PPARGC1A: variants seen among roughly 807,000 people sequenced by gnomAD.
PPARGC1A encodes the protein peroxisome proliferator-activated receptor gamma coactivator 1-alpha.
Under a neutral mutation model 88.7 loss-of-function variants are expected in PPARGC1A, and 25 were observed. That is an observed-to-expected ratio of 0.28 (90% CI 0.21 to 0.39). The LOEUF (loss-of-function observed/expected upper bound fraction) is 0.39, where lower values mean the gene tolerates loss of function less well. Among genes scored for constraint, PPARGC1A ranks in the 10% least tolerant of loss-of-function variants. The pLI is 1.00. For synonymous variants in PPARGC1A, 363 were observed against 355.6 expected, an observed-to-expected ratio of 1.02 and a Z score of -0.24; for missense variants, 880 against 968.7, an observed-to-expected ratio of 0.91 and a Z score of 1.22.
the PPARGC1A span, among the ~76,000 whole-genome samples, chr4:24,133,969 G>T: frequency 6.6e-6 from 1 of 152,122 alleles, no homozygotes; most frequent in Admixed American, 6.6e-5. Flanking sequence ...AGTGGTTGAG[G>T]TTACACAGTC....
At chr4:24,222,283 A>T in the PPARGC1A span, among the ~76,000 whole-genome samples, 4 of 152,222 alleles carry the variant, frequency 2.6e-5, no homozygotes, top group African/African-American at 9.6e-5. Context: ...CGCTTGTGAG[A>T]GACAGTACCT....
the PPARGC1A span, among the ~76,000 whole-genome samples, chr4:24,161,077 C>G: frequency 6.6e-6 from 1 of 152,174 alleles, no homozygotes; most frequent in African/African-American, 2.4e-5. Context: ...CAGAGCTACC[C>G]TCAATGAAAT....
the PPARGC1A span, among the ~76,000 whole-genome samples, chr4:24,130,286 C>T: frequency 3.1e-4 from 47 of 152,080 alleles, no homozygotes; most frequent in African/African-American, 1.1e-3. Flanking sequence ...TCCATTTATA[C>T]CCCAGGAAAT....
At chr4:24,332,014 GTTTAT>G in the PPARGC1A span, among the ~76,000 whole-genome samples, 245 of 151,960 alleles carry the variant, frequency 1.6e-3, no homozygotes, top group Non-Finnish European at 3.1e-3. Context: ...TAAATTCTGT[GTTTAT>G]TTAGCCAGTT....
chr4:24,396,932 C>T, the PPARGC1A span, among the ~76,000 whole-genome samples: 8 of 152,132 alleles, frequency 5.3e-5, no homozygotes, highest in African/African-American at 1.9e-4. Flanking sequence ...AAATGGTACT[C>T]TCATGCATCC....
the PPARGC1A span, among the ~76,000 whole-genome samples, chr4:24,051,550 T>G: frequency 6.6e-6 from 1 of 152,172 alleles, no homozygotes; most frequent in Non-Finnish European, 1.5e-5. Flanking sequence ...TTAAAAAGAT[T>G]AAGGCACTAG....
chr4:23,974,561 G>T, the PPARGC1A span, among the ~76,000 whole-genome samples: 1 of 152,050 alleles, frequency 6.6e-6, no homozygotes, highest in Non-Finnish European at 1.5e-5. Context: ...CTTTGAAAAG[G>T]TTAGGAAATT....
rs1189627761 is a variant in PPARGC1A at position 23,859,795 on chromosome 4, TAAAATAAAATAAAATAAAATAAA to T, written c.234+24934_234+24956del. On this transcript the variant is annotated intron_variant, in intron 2 of 12. Transcript: ENST00000264867. ...GACACCGTCTCAAAATAAAATAAAA[TAAAATAAAATAAAATAAAATAAA>T]ATAAAATAAAATAAAATAAAATAAA... is the stretch of plus-strand genomic sequence containing the variant. Among the ~76,000 whole-genome samples, 15 of 7,018 alleles carry T rather than the reference TAAAATAAAATAAAATAAAATAAA, an allele frequency of 2.1e-3. No individual in the cohort carries two copies. In the East Asian group the frequency reaches 0.029, roughly 14 times the overall value. The allele number at this position is 7,018 out of a possible 152,430, so 4.6% of individuals were successfully genotyped here.
intron 2 of PPARGC1A, among the ~76,000 whole-genome samples, chr4:23,844,981 G>C (rs1168521239): frequency 6.7e-6 from 1 of 150,286 alleles, no homozygotes; most frequent in Non-Finnish European, 1.5e-5. Context: ...AAAAGAGTAA[G>C]AGTAAGGGCC....
At chr4:24,253,874 A>G in the PPARGC1A span, among the ~76,000 whole-genome samples, 1 of 152,182 alleles carries the variant, frequency 6.6e-6, no homozygotes, top group African/African-American at 2.4e-5. Context: ...TTATTCTCCA[A>G]GCATGTATGG....
chr4:24,308,811 C>T, the PPARGC1A span, among the ~76,000 whole-genome samples: 1 of 152,092 alleles, frequency 6.6e-6, no homozygotes, highest in Non-Finnish European at 1.5e-5. Context: ...CCTTGTGTCA[C>T]AGATAAAAAC....
chr4:23,907,102 A>G (rs1435385604), upstream of PPARGC1A, among the ~76,000 whole-genome samples: 1 of 152,132 alleles, frequency 6.6e-6, no homozygotes, highest in Admixed American at 6.5e-5. Flanking sequence ...CTCTCCTGAT[A>G]TCTTTACACT....
At chr4:23,901,132 C>T (rs2148880538), upstream of PPARGC1A, among the ~76,000 whole-genome samples, 1 of 152,164 alleles carries the variant, frequency 6.6e-6, no homozygotes, top group Admixed American at 6.5e-5. Flanking sequence ...CTTTGGGAGG[C>T]CAAGGTGGGT....
the PPARGC1A span, among the ~76,000 whole-genome samples, chr4:24,370,965 G>A: frequency 1.1e-4 from 17 of 151,822 alleles, 1 homozygote; most frequent in South Asian, 3.3e-3. Context: ...GGTGTGTGAT[G>A]TTCCCCTCTG....
At chr4:24,129,046 GC>G in the PPARGC1A span, among the ~76,000 whole-genome samples, 339 of 152,272 alleles carry the variant, frequency 2.2e-3, 1 homozygote, top group African/African-American at 7.7e-3. Flanking sequence ...TGTAAGCAGA[GC>G]AAAAAATTAA....
chr4:24,284,126 T>C, the PPARGC1A span, among the ~76,000 whole-genome samples: 1 of 62,022 alleles, frequency 1.6e-5, no homozygotes, highest in Non-Finnish European at 3.3e-5. Context: ...CTACTAAAAA[T>C]ACCAAAAAAA....
the PPARGC1A span, among the ~76,000 whole-genome samples, chr4:24,291,645 C>G: frequency 0.015 from 2,263 of 152,300 alleles, 43 homozygotes; most frequent in Non-Finnish European, 0.02. Context: ...GAACCGCCTT[C>G]CATCCGAAGT....
At chr4:24,078,473 G>A in the PPARGC1A span, among the ~76,000 whole-genome samples, 3 of 152,018 alleles carry the variant, frequency 2.0e-5, no homozygotes, top group African/African-American at 4.8e-5. Context: ...TTCTTCTACT[G>A]TGCCTAACTG....
chr4:23,800,884 G>C lies in PPARGC1A; in HGVS notation c.2293+846C>G, dbSNP rs59740144. Among the ~76,000 whole-genome samples, 1,172 of 151,180 alleles carry C rather than the reference G, an allele frequency of 7.8e-3. 11 individuals are homozygous for C. Among genetic ancestry groups the C allele is most frequent in the African/African-American group, 0.024 (1,009 of 41,278 alleles). On this transcript the variant is annotated intron_variant, in intron 12 of 12. Coordinates refer to ENST00000264867, the MANE Select transcript of PPARGC1A (RefSeq NM_013261.5). ...ATATACACCTCCTAGGATAGTTCTAGTAATTAAATGGAAAATGCTTTCAAA... is the reference window on the plus strand; with the variant it reads ...ATATACACCTCCTAGGATAGTTCTACTAATTAAATGGAAAATGCTTTCAAA...
Sources: allele counts gnomAD v4.1 joint callset (sites outside exome capture counted in the v4.1 genomes callset), GRCh38; gene constraint gnomAD v4.1.1; transcripts MANE v1.5; gene names NCBI Gene and HGNC (gene_info 2026-07-23, HGNC 2026-07-21).